Variants in NOX4 observed in about 807,000 individuals in gnomAD.
NOX4 encodes the protein kidney oxidase-1.
A neutral mutation model predicts 87.6 loss-of-function variants in NOX4; 69 were observed. That is an observed-to-expected ratio of 0.79 (90% CI 0.65 to 0.96). The LOEUF (loss-of-function observed/expected upper bound fraction) is 0.96, where lower values mean the gene tolerates loss of function less well. Among genes scored for constraint, NOX4 ranks in the 40% least tolerant of loss-of-function variants. NOX4 has a pLI of 0.00. For missense variants in NOX4, 680 were observed against 681.5 expected (o/e 1.00, Z 0.02); for synonymous variants, 275 against 238.2 (o/e 1.15, Z -1.42).
At chr11:89,583,376 C>T in the NOX4 span, among the ~76,000 whole-genome samples, 1 of 152,098 alleles carries the variant, frequency 6.6e-6, no homozygotes, top group Non-Finnish European at 1.5e-5. Flanking sequence ...TAGAGGTCAG[C>T]AATAATTTCT....
upstream of NOX4, among the ~76,000 whole-genome samples, chr11:89,491,970 T>C (rs998005747): frequency 2.6e-5 from 4 of 152,148 alleles, no homozygotes; most frequent in South Asian, 2.1e-4. Flanking sequence ...CCAGTTTCTT[T>C]ATCCCCTTGC....
the NOX4 span, among the ~76,000 whole-genome samples, chr11:89,551,779 AT>A: frequency 1.3e-5 from 2 of 150,468 alleles, no homozygotes; most frequent in African/African-American, 2.4e-5. Flanking sequence ...TTTGAATACC[AT>A]TTTTTTTTCT....
chr11:89,553,590 C>G, the NOX4 span, among the ~76,000 whole-genome samples: 10 of 152,034 alleles, frequency 6.6e-5, no homozygotes, highest in African/African-American at 2.4e-4. Context: ...ATCTAGAAAT[C>G]TTTCCTATAA....
chr11:89,587,309 A>G, the NOX4 span, among the ~76,000 whole-genome samples: 2 of 152,198 alleles, frequency 1.3e-5, no homozygotes, highest in Non-Finnish European at 2.9e-5. Flanking sequence ...ATATAGGTAC[A>G]TTAATTAAGG....
At chr11:89,545,164 G>T in the NOX4 span, 1 of 152,162 alleles carries the variant, frequency 6.6e-6, no homozygotes, top group Admixed American at 6.6e-5. Context: ...CAGAACAAGT[G>T]CTGTTCCAAA....
At chr11:89,527,929 G>A in the NOX4 span, among the ~76,000 whole-genome samples, 1 of 152,162 alleles carries the variant, frequency 6.6e-6, no homozygotes, top group East Asian at 1.9e-4. Context: ...TCCACCAACA[G>A]CTTGCACTGT....
chr11:89,587,682 A>C, the NOX4 span, among the ~76,000 whole-genome samples: 1 of 152,218 alleles, frequency 6.6e-6, no homozygotes, highest in Non-Finnish European at 1.5e-5. Flanking sequence ...GGCAGAAATC[A>C]ATAATTTTAT....
intron 15 of NOX4, among the ~76,000 whole-genome samples, chr11:89,339,462 A>T: frequency 6.6e-6 from 1 of 152,170 alleles, no homozygotes; most frequent in East Asian, 1.9e-4. Flanking sequence ...ACTTTATCAG[A>T]ATTGTTTGAA....
chr11:89,485,518 A>C (rs1237115544), intron 2 of NOX4, among the ~76,000 whole-genome samples: 2 of 152,070 alleles, frequency 1.3e-5, no homozygotes, highest in African/African-American at 4.8e-5. Context: ...AATGTAAAAA[A>C]CGCAACTCAA....
At chr11:89,382,066 C>T (rs1198415697) in intron 11 of NOX4, among the ~76,000 whole-genome samples, 10 of 152,238 alleles carry the variant, frequency 6.6e-5, no homozygotes, top group South Asian at 4.1e-4. Context: ...TATTCACCCA[C>T]GTTTCAGAGG....
chr11:89,432,743 C>T, intron 7 of NOX4, 41 bp downstream of exon 7: 1 of 1,399,562 alleles, frequency 7.1e-7, no homozygotes, highest in Non-Finnish European at 1.0e-6. Flanking sequence ...TTCTAAATAA[C>T]CTGACAGATA....
intron 9 of NOX4, among the ~76,000 whole-genome samples, chr11:89,400,998 T>C (rs1941816904): frequency 1.3e-5 from 2 of 152,132 alleles, no homozygotes; most frequent in African/African-American, 4.8e-5. Flanking sequence ...GAATATGTGT[T>C]GCATGGTTAG....
intron 4 of NOX4, among the ~76,000 whole-genome samples, chr11:89,444,474 C>T (rs1408699874): frequency 1.4e-5 from 2 of 147,810 alleles, no homozygotes; most frequent in East Asian, 2.0e-4. Flanking sequence ...GAAACACACA[C>T]ACACACACAC....
the NOX4 span, among the ~76,000 whole-genome samples, chr11:89,552,786 T>C: frequency 2.6e-5 from 4 of 152,048 alleles, no homozygotes; most frequent in Non-Finnish European, 4.4e-5. Context: ...GTAAGAATTT[T>C]GCTGAGAAGT....
At position 89,491,338 on chromosome 11, in the gene NOX4, C is replaced by T. The variant is rs952540486; in HGVS notation, c.-92G>A. The T allele has an allele frequency of 7.4e-6, 9 of 1,209,732 alleles. No homozygotes were observed. In the African/African-American group the frequency reaches 9.3e-5, roughly 12 times the overall value. 74.9% of individuals were successfully genotyped at this position (1,209,732 alleles called of 1,614,324 possible). A position where few individuals can be genotyped will look rare whatever the true frequency, so the allele number is the denominator to read the frequency against. ...CAGCGGTTACAGTTGTGCGGCCTGC[C>T]GGGCCGCTGAGCGAGGACCGAGGGT... On this transcript the variant is annotated 5_prime_UTR_variant, in exon 1 of 18. Coordinates refer to ENST00000263317, the MANE Select transcript of NOX4 (RefSeq NM_016931.5).
intron 2 of NOX4, among the ~76,000 whole-genome samples, chr11:89,456,058 A>G (rs1945184045): frequency 6.6e-6 from 1 of 152,134 alleles, no homozygotes; most frequent in South Asian, 2.1e-4. Context: ...ATTCCAAAAT[A>G]ACTAAAAGAG....
the NOX4 span, among the ~76,000 whole-genome samples, chr11:89,505,651 A>G: frequency 6.6e-6 from 1 of 151,912 alleles, no homozygotes; most frequent in Non-Finnish European, 1.5e-5. Flanking sequence ...ATCTTGTGGT[A>G]TTTGATGGGA....
At chr11:89,445,967 C>CGATA (rs1216148826) in intron 4 of NOX4, among the ~76,000 whole-genome samples, 2 of 151,842 alleles carry the variant, frequency 1.3e-5, no homozygotes, top group African/African-American at 4.8e-5. Flanking sequence ...AAAGACATAT[C>CGATA]GATAAAGGAT....
the NOX4 span, among the ~76,000 whole-genome samples, chr11:89,579,336 C>A: frequency 6.6e-6 from 1 of 151,990 alleles, no homozygotes; most frequent in Admixed American, 6.6e-5. Flanking sequence ...TGTGTATGTT[C>A]ATCAATTGTA....
Sources: gnomAD v4.1 joint callset for allele counts (sites outside exome capture counted in the v4.1 genomes callset) on GRCh38, gnomAD v4.1.1 for gene constraint, MANE v1.5 for transcripts, NCBI Gene and HGNC (gene_info 2026-07-23, HGNC 2026-07-21) for gene names.